PPIG: variants seen among roughly 807,000 people sequenced by gnomAD.
The protein encoded by PPIG is peptidylprolyl isomerase G.
In PPIG, 26 loss-of-function variants were observed where a neutral mutation model predicts 87.9. That is an observed-to-expected ratio of 0.30 (90% CI 0.22 to 0.41). PPIG has a LOEUF of 0.41. Ranked by LOEUF, PPIG falls within the 10% of genes least tolerant of loss-of-function variation. PPIG has a pLI of 1.00. For synonymous variants in PPIG, 308 were observed against 276.5 expected (o/e 1.11, Z -1.13); for missense variants, 722 against 879.4 (o/e 0.82, Z 2.26).
intron 10 of PPIG, among the ~76,000 whole-genome samples, chr2:169,631,222 G>A (rs745829766): frequency 2.0e-5 from 3 of 152,024 alleles, no homozygotes; most frequent in African/African-American, 7.2e-5. Context: ...TACAGCTTTG[G>A]TGTTACAGAT....
intron 1 of PPIG, among the ~76,000 whole-genome samples, chr2:169,602,700 C>T (rs1685218352): frequency 6.6e-6 from 1 of 152,144 alleles, no homozygotes. Context: ...CAGTGCTGGT[C>T]TAGAGCCTTA....
At chr2:169,611,183 C>T (rs1297594845) in intron 7 of PPIG, among the ~76,000 whole-genome samples, 1 of 152,094 alleles carries the variant, frequency 6.6e-6, no homozygotes, top group African/African-American at 2.4e-5. Context: ...GAGCAAGACT[C>T]CATCTCAGAA....
At chr2:169,615,393 T>A (rs1478573363) in intron 9 of PPIG, among the ~76,000 whole-genome samples, 2 of 152,250 alleles carry the variant, frequency 1.3e-5, no homozygotes, top group African/African-American at 2.4e-5. Flanking sequence ...ATAGTCATCA[T>A]GTTATACAGT....
chr2:169,632,010 A>G, intron 11 of PPIG, 77 bp downstream of exon 11: 1 of 1,340,570 alleles, frequency 7.5e-7, no homozygotes, highest in Non-Finnish European at 9.7e-7. Flanking sequence ...TATTTTAAAC[A>G]AGATTTAATT....
At chr2:169,596,851 G>A (rs762001141) in intron 1 of PPIG, among the ~76,000 whole-genome samples, 3 of 152,076 alleles carry the variant, frequency 2.0e-5, no homozygotes, top group African/African-American at 7.2e-5. Context: ...ACAGGCATGC[G>A]CCATTACGCT....
rs773247410 is a variant in PPIG at position 169,637,469 on chromosome 2, T to A, written c.2211T>A (p.Asn737Lys). 6.2e-7 allele frequency: 1 copy of A among 1,602,844 alleles called. No homozygotes were observed. Among genetic ancestry groups the A allele is most frequent in the African/African-American group, 1.4e-5 (1 of 73,808 alleles). Residue 737 changes from asparagine (N) to lysine (K), a missense_variant, in exon 14 of 14, where the codon AAT becomes AAA. By Grantham distance (94) the Asn-to-Lys change is moderately conservative. Transcript: ENST00000260970. ...AAAATGACCATGTACATGAAAAAAA[T>A]AAAAAATTTGATCATGAATCAAGCC... ...GQENDHVHEK[N>K]KKFDHESSPG...
At chr2:169,616,180 A>G (rs938338554) in intron 9 of PPIG, among the ~76,000 whole-genome samples, 1 of 152,100 alleles carries the variant, frequency 6.6e-6, no homozygotes, top group African/African-American at 2.4e-5. Context: ...ACATGAACTC[A>G]TCCTTTTTTA....
rs773737874 is a variant in PPIG, at chr2:169,614,470, G to A, written c.384G>A (p.Thr128=). The A allele has an allele frequency of 3.0e-5, 47 of 1,560,512 alleles. No individual in the cohort carries two copies. In the South Asian group the frequency reaches 4.2e-4, roughly 14 times the overall value. ...DTNGSQFFIT[T]KPTPHLDGHH... The stretch of plus-strand genomic sequence containing the variant: ...ATCTGATGATTTCCAAAAGAACAAC[G>A]AAACCAACTCCTCATTTAGATGGGT... The change falls in exon 8 of 14, where the codon ACG becomes ACA. Residue 128 remains threonine (T), a synonymous_variant. Transcript: ENST00000260970.
chr2:169,622,599 T>G (rs915691261), intron 9 of PPIG, among the ~76,000 whole-genome samples: 1 of 152,208 alleles, frequency 6.6e-6, no homozygotes, highest in Admixed American at 6.5e-5. Context: ...TTTATTAATA[T>G]GTATCTGCCC....
chr2:169,585,850 G>A (rs990688144), intron 1 of PPIG, among the ~76,000 whole-genome samples: 3 of 152,118 alleles, frequency 2.0e-5, no homozygotes, highest in Non-Finnish European at 4.4e-5. Flanking sequence ...GAGTGAGTGT[G>A]TGTGTGTGTC....
intron 1 of PPIG, among the ~76,000 whole-genome samples, chr2:169,599,235 T>TA (rs1344574163): frequency 6.6e-6 from 1 of 152,194 alleles, no homozygotes; most frequent in Non-Finnish European, 1.5e-5. Flanking sequence ...GAAAAAATGT[T>TA]ACGTTTGTAA....
intron 10 of PPIG, chr2:169,631,305 A>C (rs1329841079): frequency 4.6e-5 from 14 of 307,150 alleles, no homozygotes; most frequent in Non-Finnish European, 5.9e-6. Context: ...TCCTATTTTC[A>C]GTAGCAGTCC....
chr2:169,591,510 AT>A (rs1353714534), intron 1 of PPIG, among the ~76,000 whole-genome samples: 5 of 152,104 alleles, frequency 3.3e-5, no homozygotes, highest in East Asian at 1.9e-4. Flanking sequence ...TGTATGATTA[AT>A]TTTTTTCAGT....
intron 9 of PPIG, among the ~76,000 whole-genome samples, chr2:169,629,242 T>A (rs1320011490): frequency 2.6e-5 from 4 of 152,246 alleles, no homozygotes; most frequent in Admixed American, 2.6e-4. Flanking sequence ...TACCCATCAC[T>A]AGCCACTTTT....
chr2:169,601,948 G>C (rs1685195963), intron 1 of PPIG, among the ~76,000 whole-genome samples: 1 of 151,456 alleles, frequency 6.6e-6, no homozygotes, highest in Non-Finnish European at 1.5e-5. Flanking sequence ...AGTATATTTT[G>C]AAGTGGTAAT....
intron 4 of PPIG, among the ~76,000 whole-genome samples, chr2:169,604,740 G>T (rs907094697): frequency 2.0e-5 from 3 of 151,730 alleles, no homozygotes; most frequent in Non-Finnish European, 4.4e-5. Flanking sequence ...CAAATGTGGT[G>T]GCGCACGCCT....
At chr2:169,612,370 C>CAG (rs988085454) in intron 7 of PPIG, among the ~76,000 whole-genome samples, 110 of 142,774 alleles carry the variant, frequency 7.7e-4, no homozygotes, top group African/African-American at 2.8e-3. Flanking sequence ...TAACATGTAT[C>CAG]AGAACTCCAT....
At position 169,637,077 on chromosome 2, in the gene PPIG, C is replaced by T. The variant is rs777192120; in HGVS notation, c.1819C>T (p.Arg607Ter). 3.7e-6 allele frequency: 6 copies of T among 1,612,620 alleles called. No individual in the cohort carries two copies. The highest frequency in any genetic ancestry group is 1.3e-5 in the African/African-American group (1 of 74,674). Residue 607 changes from arginine to a stop codon, truncating the protein, a stop_gained, in exon 14 of 14, where the codon CGA becomes TGA. Transcript: ENST00000260970. LOFTEE classifies it high-confidence loss of function. ...CAGGAGAAGAGGACGGTCACGAAGC[C>T]GAGAGAGAAGAACACCACCAGGAAG... The part of the protein sequence containing the change: ...EYRRRGRSRS[R>*]ERRTPPGRSR...
chr2:169,590,540 G>C (rs1684837646), intron 1 of PPIG, among the ~76,000 whole-genome samples: 1 of 152,118 alleles, frequency 6.6e-6, no homozygotes, highest in Admixed American at 6.5e-5. Flanking sequence ...TACTCGGGAG[G>C]CTGAGGCAGA....
Sources: gnomAD v4.1 joint callset for allele counts (sites outside exome capture counted in the v4.1 genomes callset) on GRCh38, gnomAD v4.1.1 for gene constraint, MANE v1.5 for transcripts, NCBI Gene and HGNC (gene_info 2026-07-23, HGNC 2026-07-21) for gene names.